Variants in SI observed in about 807,000 individuals in gnomAD.
The protein encoded by SI is sucrase-isomaltase, intestinal.
In SI, 235 loss-of-function variants were observed where a neutral mutation model predicts 253.3. The ratio of observed to expected loss-of-function variants is 0.93; its 90% CI spans 0.83 to 1.03. The LOEUF (loss-of-function observed/expected upper bound fraction) is 1.03, where lower values mean the gene tolerates loss of function less well. SI is among the 50% of genes least tolerant of loss of function. The pLI is 0.00. For missense variants in SI, 2,442 were observed against 2,211.1 expected (o/e 1.10, Z -2.09); for synonymous variants, 819 against 712.0 (o/e 1.15, Z -2.39).
upstream of SI, among the ~76,000 whole-genome samples, chr3:165,082,362 T>C (rs1323764711): frequency 6.6e-6 from 1 of 151,944 alleles, no homozygotes; most frequent in African/African-American, 2.4e-5. Context: ...CTAACTGGTC[T>C]CCCAAACTCC....
intron 5 of SI, among the ~76,000 whole-genome samples, chr3:165,068,133 T>A (rs1372734975): frequency 4.6e-5 from 7 of 151,936 alleles, no homozygotes; most frequent in Admixed American, 4.6e-4. Context: ...GTTGCATGTA[T>A]ACGACACTAA....
intron 45 of SI, among the ~76,000 whole-genome samples, chr3:164,986,897 C>G (rs1717464807): frequency 6.6e-6 from 1 of 152,194 alleles, no homozygotes; most frequent in African/African-American, 2.4e-5. Flanking sequence ...TCTGCCCACA[C>G]AAATTTCTTA....
Position 165,059,317 on chromosome 3 carries a change from G to T in SI, c.1147-18C>A. Reference sequence around the variant, plus strand: ...TGTGTATCCTGAAAGTTAGAAGATTGTATTTCAATACATAGTACTGAAAGA... The same window carrying T: ...TGTGTATCCTGAAAGTTAGAAGATTTTATTTCAATACATAGTACTGAAAGA... On this transcript the variant is annotated intron_variant, in intron 10 of 47. Coordinates refer to ENST00000264382, the MANE Select transcript of SI (RefSeq NM_001041.4). The T allele has an allele frequency of 6.2e-7, 1 of 1,609,444 alleles. No homozygotes were observed. Among genetic ancestry groups the T allele is most frequent in the Non-Finnish European group, 8.5e-7 (1 of 1,176,532 alleles).
chr3:165,035,718 A>G (rs563925745), intron 22 of SI, among the ~76,000 whole-genome samples: 1 of 151,650 alleles, frequency 6.6e-6, no homozygotes, highest in Non-Finnish European at 1.5e-5. Context: ...TAAAACACAT[A>G]CCTAACAGCC....
intron 37 of SI, among the ~76,000 whole-genome samples, chr3:165,005,879 T>C (rs2108153014): frequency 6.6e-6 from 1 of 152,224 alleles, no homozygotes; most frequent in South Asian, 2.1e-4. Flanking sequence ...GCCAAAGTGT[T>C]GAGATTACAA....
chr3:165,042,262 A>T (rs983432796), intron 17 of SI, among the ~76,000 whole-genome samples: 1 of 152,068 alleles, frequency 6.6e-6, no homozygotes, highest in Non-Finnish European at 1.5e-5. Flanking sequence ...CTAATCTCCA[A>T]TTTGTACCTT....
intron 12 of SI, among the ~76,000 whole-genome samples, chr3:165,056,818 C>G (rs998873105): frequency 2.0e-5 from 3 of 152,066 alleles, no homozygotes; most frequent in Admixed American, 6.6e-5. Context: ...AGACTTAGAT[C>G]ACAAAACCCA....
intron 37 of SI, among the ~76,000 whole-genome samples, chr3:165,000,721 G>T (rs1484945068): frequency 6.6e-6 from 1 of 151,310 alleles, no homozygotes; most frequent in Non-Finnish European, 1.5e-5. Context: ...TTCAAACACG[G>T]TAAATATATT....
chr3:164,998,282 C>T (rs1215562475), intron 38 of SI, among the ~76,000 whole-genome samples: 4 of 151,724 alleles, frequency 2.6e-5, no homozygotes, highest in East Asian at 3.9e-4. Context: ...CCAGCTACTG[C>T]CCTTTTCAGT....
At chr3:165,072,413 TAAC>T (rs771463356) in intron 3 of SI, among the ~76,000 whole-genome samples, 3 of 151,592 alleles carry the variant, frequency 2.0e-5, no homozygotes, top group South Asian at 4.2e-4. Flanking sequence ...TAGCTATAAA[TAAC>T]AACAACAACA....
At chr3:165,063,174 T>C (rs564770250) in intron 8 of SI, among the ~76,000 whole-genome samples, 1 of 152,236 alleles carries the variant, frequency 6.6e-6, no homozygotes, top group South Asian at 2.1e-4. Context: ...AAACACCCAT[T>C]GGCATGGATG....
intron 13 of SI, among the ~76,000 whole-genome samples, chr3:165,050,265 C>CTA (rs1344886158): frequency 2.6e-5 from 4 of 152,126 alleles, no homozygotes; most frequent in Admixed American, 6.6e-5. Flanking sequence ...CTATGATGTG[C>CTA]TAAGCACATT....
At chr3:165,077,891 G>C (rs1459629597) in intron 1 of SI, among the ~76,000 whole-genome samples, 1 of 151,402 alleles carries the variant, frequency 6.6e-6, no homozygotes, top group Non-Finnish European at 1.5e-5. Flanking sequence ...TATGATCCCT[G>C]TAATTTTGGA....
In SI at chr3:165,078,474, T is replaced by C. The variant is rs2108123407; in HGVS notation, c.-42A>G. On this transcript the variant is annotated 5_prime_UTR_variant, in exon 1 of 48. Coordinates refer to ENST00000264382, the MANE Select transcript of SI (RefSeq NM_001041.4). Reference sequence around the variant, plus strand: ...TTCTCTTTGCTATGTTGTACCAGACTTGGATAAGGCTGCCAAAATAATGAT... The same window carrying C: ...TTCTCTTTGCTATGTTGTACCAGACCTGGATAAGGCTGCCAAAATAATGAT... The C allele has an allele frequency of 6.6e-6, 1 of 152,208 alleles. No homozygotes were observed. The highest frequency in any genetic ancestry group is 2.1e-4 in the South Asian group (1 of 4,826). 9.4% of individuals were successfully genotyped at this position (152,208 alleles called of 1,614,324 possible).
chr3:165,074,616 G>A lies in SI; in HGVS notation c.170C>T (p.Pro57Leu), dbSNP rs1324818194. The change falls in exon 3 of 48, where the codon CCT becomes CTT. Residue 57 changes from proline to leucine, a missense_variant. Transcript: ENST00000264382. ...TPATTRVTTN[P>L]SDSGKCPNVL... ...ATTTGGACATTTTCCTGAATCAGAA[G>A]GATTTGTAGTCACACGAGTAGTAGC... 1.2e-6 allele frequency: 2 copies of A among 1,610,626 alleles called. No homozygotes were observed. Among genetic ancestry groups the A allele is most frequent in the Non-Finnish European group, 1.7e-6 (2 of 1,177,624 alleles).
chr3:165,023,695 A>G lies in SI; in HGVS notation c.2974T>C (p.Ser992Pro), dbSNP rs1711750888. The G allele has an allele frequency of 1.9e-6, 3 of 1,610,820 alleles. No homozygotes were observed. Among genetic ancestry groups the G allele is most frequent in the South Asian group, 2.2e-5 (2 of 91,056 alleles). Residue 992 changes from serine (S) to proline (P), a missense_variant, in exon 26 of 48, where the codon TCC becomes CCC. By Grantham distance (74) the Ser-to-Pro change is moderately conservative. Coordinates refer to ENST00000264382, the MANE Select transcript of SI (RefSeq NM_001041.4). ...TGGAGGTCAGCTGTTATACCCATGG[A>G]TGAATAGCGAGCTGAGTTGACTGAA... ...SYSVNSARYS[S>P]MGITADLQLN...
At position 164,996,601 on chromosome 3, in the gene SI, A is replaced by G. The variant is rs900612391; in HGVS notation, c.4626T>C (p.Cys1542=). The change falls in exon 40 of 48, where the codon TGT becomes TGC. Residue 1542 remains cysteine (C), a synonymous_variant. Transcript: ENST00000264382. ...ATGCTCCAAGTTGCATCCAGCGGGT[A>G]CAGAGATGATATTCTGAGTTGTTGA... ...GFFNNSEYHL[C]TRWMQLGAFY... The G allele has an allele frequency of 1.3e-5, 21 of 1,610,402 alleles. No homozygotes were observed. The highest frequency in any genetic ancestry group is 1.8e-5 in the Non-Finnish European group (21 of 1,177,244).
In SI at chr3:164,982,283, T is replaced by C. The variant is rs2108108260; in HGVS notation, c.5375A>G (p.Asn1792Ser). 3 of 1,613,138 alleles carry C rather than the reference T, an allele frequency of 1.9e-6. No individual in the cohort carries two copies. The highest frequency in any genetic ancestry group is 2.5e-6 in the Non-Finnish European group (3 of 1,179,478). The change falls in exon 47 of 48, where the codon AAT becomes AGT. Residue 1792 changes from asparagine to serine, a missense_variant. Coordinates refer to ENST00000264382, the MANE Select transcript of SI (RefSeq NM_001041.4). Reference sequence around the variant, plus strand: ...TTCATTAAAAGGAAGCGAATTTTTATTTCCGTTATACGTTAGAGTAACTGC... The same window carrying C: ...TTCATTAAAAGGAAGCGAATTTTTACTTCCGTTATACGTTAGAGTAACTGC... ...VNAVTLTYNGNKNSLPFNEDT... is the reference protein window; with the variant it reads ...VNAVTLTYNGSKNSLPFNEDT...
intron 16 of SI, among the ~76,000 whole-genome samples, chr3:165,043,791 T>C (rs1164237180): frequency 6.6e-6 from 1 of 152,048 alleles, no homozygotes; most frequent in East Asian, 1.9e-4. Context: ...AGCATTGTTT[T>C]GCATGTTTTC....
Sources: allele counts gnomAD v4.1 joint callset (sites outside exome capture counted in the v4.1 genomes callset), GRCh38; gene constraint gnomAD v4.1.1; transcripts MANE v1.5; gene names NCBI Gene and HGNC (gene_info 2026-07-23, HGNC 2026-07-21).